Variants in UGGT2 observed in about 807,000 individuals in gnomAD.
UGGT2 encodes the protein UDP-glucose glycoprotein glucosyltransferase 2.
UGGT2 carries 180 observed loss-of-function variants against 192.1 expected under a neutral mutation model. The ratio of observed to expected loss-of-function variants is 0.94; its 90% CI spans 0.83 to 1.06. The LOEUF is 1.06. UGGT2 is among the 50% of genes least tolerant of loss of function. UGGT2 has a pLI of 0.00. For synonymous variants in UGGT2, 580 were observed against 591.0 expected (o/e 0.98, Z 0.27); for missense variants, 1,849 against 1,795.7 (o/e 1.03, Z -0.54).
At chr13:95,820,017 G>T (rs1220717569) in intron 38 of UGGT2, among the ~76,000 whole-genome samples, 1 of 152,092 alleles carries the variant, frequency 6.6e-6, no homozygotes, top group Non-Finnish European at 1.5e-5. Flanking sequence ...AATTAGCCAG[G>T]CATGGTGGCA....
At chr13:96,002,642 AAC>A (rs1158568442) in intron 5 of UGGT2, among the ~76,000 whole-genome samples, 2 of 152,234 alleles carry the variant, frequency 1.3e-5, no homozygotes, top group Non-Finnish European at 2.9e-5. Context: ...TCTATATGCC[AAC>A]ACACTCAAGA....
chr13:95,836,340 G>A (rs545282395), intron 37 of UGGT2, among the ~76,000 whole-genome samples: 1 of 152,288 alleles, frequency 6.6e-6, no homozygotes, highest in African/African-American at 2.4e-5. Context: ...GTAAGCCACC[G>A]TGCCCAGCCC....
Position 95,894,537 on chromosome 13 carries a change from C to G in UGGT2, c.2855+25G>C, listed in dbSNP as rs776697414. 1.9e-6 allele frequency: 3 copies of G among 1,582,494 alleles called. No individual in the cohort carries two copies. The South Asian group carries it at 3.5e-5, about 18-fold the overall frequency. ...ATTGCATGCATTAACAGAAAAATCA[C>G]AAACAAATACGAATACATTCTTACC... On this transcript the variant is annotated intron_variant, in intron 24 of 38. Transcript: ENST00000376747.
chr13:95,925,731 A>T lies in UGGT2; in HGVS notation c.2244T>A (p.Asp748Glu). ...ISAVTLWIIA[D>E]FDKPSGRKLL... is the part of the protein sequence containing the mutation. ...GTTTTCTCCCAGAAGGCTTATCAAA[A>T]TCTGCAATAATCCAGAGAGTGACTG... Residue 748 changes from aspartate to glutamate, a missense_variant, in exon 20 of 39, where the codon GAT becomes GAA. Physicochemically the swap from Asp to Glu is conservative, Grantham distance 45 (BLOSUM62 2). Transcript: ENST00000376747. 1 of 1,580,680 alleles carries T rather than the reference A, an allele frequency of 6.3e-7. No individual in the cohort carries two copies. The highest frequency in any genetic ancestry group is 8.6e-7 in the Non-Finnish European group (1 of 1,160,076).
intron 17 of UGGT2, 79 bp from the exon 18 acceptor site, chr13:95,927,415 ATTAC>A (rs199651248): frequency 0.032 from 38,151 of 1,205,718 alleles, 826 homozygotes; most frequent in Non-Finnish European, 0.038. Flanking sequence ...TAACACAAAG[ATTAC>A]TTAATCAAAA....
At chr13:95,971,927 A>C (rs1018535332) in intron 11 of UGGT2, among the ~76,000 whole-genome samples, 12 of 152,210 alleles carry the variant, frequency 7.9e-5, no homozygotes, top group African/African-American at 2.9e-4. Flanking sequence ...TATTCAATTG[A>C]ATTAAAACTG....
At chr13:96,007,180 C>A (rs2052006935) in intron 5 of UGGT2, among the ~76,000 whole-genome samples, 1 of 151,882 alleles carries the variant, frequency 6.6e-6, no homozygotes, top group South Asian at 2.1e-4. Context: ...TTAAAAGAAC[C>A]AAGAACACAA....
At position 95,969,704 on chromosome 13, in the gene UGGT2, A is replaced by T. The variant is rs1442405891; in HGVS notation, c.1335+408T>A. Reference sequence around the variant, plus strand: ...GATATGATCAAATGTTTTTCACAAAAATCACTTGGGCTGTAATACACACAC... The same window carrying T: ...GATATGATCAAATGTTTTTCACAAATATCACTTGGGCTGTAATACACACAC... On this transcript the variant is annotated intron_variant, in intron 12 of 38. Transcript: ENST00000376747. 4.6e-5 allele frequency among the ~76,000 whole-genome samples: 7 copies of T among 152,194 alleles called. No individual in the cohort carries two copies. In the East Asian group the frequency reaches 5.8e-4, roughly 13 times the overall value.
chr13:96,016,004 A>G (rs1237502545), intron 4 of UGGT2, among the ~76,000 whole-genome samples: 1 of 152,194 alleles, frequency 6.6e-6, no homozygotes, highest in Non-Finnish European at 1.5e-5. Context: ...ACTTGGCTGC[A>G]TTGTGCTTAT....
intron 4 of UGGT2, among the ~76,000 whole-genome samples, chr13:96,022,412 G>T (rs764101673): frequency 8.6e-5 from 13 of 151,836 alleles, no homozygotes; most frequent in Admixed American, 8.5e-4. Context: ...TTTTGTATAT[G>T]AAATTCAATA....
intron 17 of UGGT2, among the ~76,000 whole-genome samples, chr13:95,931,268 A>C (rs535391045): frequency 6.6e-6 from 1 of 152,330 alleles, no homozygotes; most frequent in African/African-American, 2.4e-5. Flanking sequence ...TGGTGTGTTT[A>C]CAAATCTTGA....
chr13:95,883,960 G>C (rs1312369415), intron 27 of UGGT2, among the ~76,000 whole-genome samples: 1 of 149,572 alleles, frequency 6.7e-6, no homozygotes, highest in Admixed American at 6.7e-5. Flanking sequence ...TACCGGGGGT[G>C]ATGAGAAGCA....
intron 38 of UGGT2, among the ~76,000 whole-genome samples, chr13:95,822,739 A>C (rs1885639341): frequency 6.6e-6 from 1 of 151,870 alleles, no homozygotes; most frequent in Non-Finnish European, 1.5e-5. Context: ...AATTTTGTTT[A>C]TCTTTTCAAA....
chr13:96,016,538 A>G (rs528335001), intron 4 of UGGT2, among the ~76,000 whole-genome samples: 13 of 152,362 alleles, frequency 8.5e-5, no homozygotes, highest in Non-Finnish European at 1.2e-4. Flanking sequence ...GGCACAAGCC[A>G]TAAGCCCTGG....
intron 5 of UGGT2, among the ~76,000 whole-genome samples, chr13:96,007,531 A>C (rs1405047187): frequency 6.6e-6 from 1 of 152,190 alleles, no homozygotes; most frequent in East Asian, 1.9e-4. Context: ...TGCAAACAAT[A>C]TGATCTTATA....
At chr13:96,023,956 G>C (rs1018000375) in intron 2 of UGGT2, among the ~76,000 whole-genome samples, 197 bp from the exon 3 acceptor site, 1 of 152,136 alleles carries the variant, frequency 6.6e-6, no homozygotes, top group African/African-American at 2.4e-5. Flanking sequence ...TAATGTCCAA[G>C]TAATCAACAT....
intron 36 of UGGT2, among the ~76,000 whole-genome samples, chr13:95,840,978 CT>C (rs1415054916): frequency 4.6e-5 from 7 of 152,102 alleles, no homozygotes; most frequent in Non-Finnish European, 1.0e-4. Context: ...CATGTTCTCA[CT>C]CATAAGTGGG....
intron 8 of UGGT2, among the ~76,000 whole-genome samples, chr13:95,987,773 C>T (rs931594296): frequency 6.6e-6 from 1 of 152,070 alleles, no homozygotes; most frequent in South Asian, 2.1e-4. Flanking sequence ...CGAAGTCTCT[C>T]CAGAAGTATT....
At chr13:95,894,458 A>G (rs1594253963) in intron 24 of UGGT2, 104 bp downstream of exon 24, 2 of 871,682 alleles carry the variant, frequency 2.3e-6, no homozygotes, top group East Asian at 2.6e-5. Flanking sequence ...TCCCTAATAA[A>G]TAACTTTTAA....
Sources: allele counts gnomAD v4.1 joint callset (sites outside exome capture counted in the v4.1 genomes callset), GRCh38; gene constraint gnomAD v4.1.1; transcripts MANE v1.5; gene names NCBI Gene and HGNC (gene_info 2026-07-23, HGNC 2026-07-21).